ZFHX3: variants seen among roughly 807,000 people sequenced by gnomAD.
The protein encoded by ZFHX3 is zinc finger homeobox 3, also known as zinc finger homeobox protein 3.
In ZFHX3, 42 loss-of-function variants were observed where a neutral mutation model predicts 279.1. The observed-to-expected ratio is 0.15, with a 90% CI of 0.12 to 0.19. The LOEUF (loss-of-function observed/expected upper bound fraction) is 0.19. ZFHX3 is among the 10% of genes least tolerant of loss of function. The pLI is 1.00. For missense variants in ZFHX3, 4,981 were observed against 4,754.0 expected (o/e 1.05, Z -1.40); for synonymous variants, 2,293 against 1,957.8 (o/e 1.17, Z -4.52).
At chr16:73,754,672 A>G (rs1451813159) in intron 1 of ZFHX3, among the ~76,000 whole-genome samples, 1 of 152,208 alleles carries the variant, frequency 6.6e-6, no homozygotes, top group East Asian at 1.9e-4. Context: ...ACTTCCGACT[A>G]GCCTTGGATT....
intron 2 of ZFHX3, among the ~76,000 whole-genome samples, chr16:73,567,618 T>A (rs1343171005): frequency 6.6e-6 from 1 of 152,214 alleles, no homozygotes; most frequent in African/African-American, 2.4e-5. Flanking sequence ...ATACTCAACC[T>A]CCATGTGAAG....
At chr16:73,315,003 G>A (rs184375825) in intron 4 of ZFHX3, among the ~76,000 whole-genome samples, 4 of 152,266 alleles carry the variant, frequency 2.6e-5, no homozygotes, top group Admixed American at 2.6e-4. Flanking sequence ...TGAGGCAGGC[G>A]GATCACCTAA....
intron 3 of ZFHX3, among the ~76,000 whole-genome samples, chr16:73,363,960 A>G (rs1597302322): frequency 1.3e-5 from 2 of 152,026 alleles, no homozygotes; most frequent in African/African-American, 4.8e-5. Flanking sequence ...ATCACTTGAG[A>G]TCAGGAGTTT....
At chr16:72,955,615 C>T (rs990068070) in intron 2 of ZFHX3, among the ~76,000 whole-genome samples, 1 of 152,004 alleles carries the variant, frequency 6.6e-6, no homozygotes. Flanking sequence ...CCCATCTCTA[C>T]TAAAAACACA....
At chr16:73,586,599 G>T (rs2051929670) in intron 2 of ZFHX3, among the ~76,000 whole-genome samples, 1 of 151,976 alleles carries the variant, frequency 6.6e-6, no homozygotes, top group African/African-American at 2.4e-5. Context: ...AAAATAAAAT[G>T]TACTTCATGA....
At chr16:73,676,951 G>A (rs1030010613) in intron 2 of ZFHX3, among the ~76,000 whole-genome samples, 3 of 151,960 alleles carry the variant, frequency 2.0e-5, no homozygotes, top group Non-Finnish European at 2.9e-5. Context: ...CTCTCAGAAT[G>A]AGAATATCTC....
In ZFHX3 at chr16:72,788,289, G is replaced by A. The variant is rs765425613; in HGVS notation, c.9987C>T (p.Ser3329=). The A allele has an allele frequency of 2.0e-5, 33 of 1,614,060 alleles. No homozygotes were observed. The highest frequency in any genetic ancestry group is 1.6e-4 in the East Asian group (7 of 44,884). The change falls in exon 10 of 10, where the codon AGC becomes AGT. Residue 3329 remains serine (S), a synonymous_variant. Transcript: ENST00000268489. The part of the protein sequence containing the change: ...YAPQIPGALQ[S]GYLQPMYGME... The stretch of plus-strand genomic sequence containing the variant: ...TGCCATACATAGGCTGCAGGTACCC[G>A]CTCTGCAGGGCGCCAGGGATCTGGG...
chr16:73,883,622 A>C (rs2142415647), intron 1 of ZFHX3, among the ~76,000 whole-genome samples: 1 of 152,138 alleles, frequency 6.6e-6, no homozygotes, highest in African/African-American at 2.4e-5. Flanking sequence ...AGGCGCGGTA[A>C]AAATCACCTG....
intron 3 of ZFHX3, among the ~76,000 whole-genome samples, chr16:73,347,352 C>G (rs2143274442): frequency 6.6e-6 from 1 of 152,364 alleles, no homozygotes; most frequent in East Asian, 1.9e-4. Context: ...ACAGGTATTC[C>G]TGCAGCCCAC....
chr16:73,042,022 C>T (rs1965136439), intron 1 of ZFHX3, among the ~76,000 whole-genome samples: 1 of 152,176 alleles, frequency 6.6e-6, no homozygotes. Context: ...AGGGAGAAGT[C>T]ATCAGAAATA....
rs553614165 is a variant in ZFHX3, at chr16:73,277,877, G to C, written c.-1193-20741C>G. ...ATGGTGGAAGGCAAAGTGGGAGCAA[G>C]GTGTCTTACAAGGCAGGAGCAAGAG... On this transcript the variant is annotated intron_variant, in intron 4 of 17. Coordinates refer to the ZFHX3 transcript ENST00000641206. 3.9e-5 allele frequency among the ~76,000 whole-genome samples: 6 copies of C among 152,294 alleles called. 1 individual carries two copies. The South Asian group carries it at 1.0e-3, about 26-fold the overall frequency.
At chr16:73,273,125 C>A (rs1001403006) in intron 4 of ZFHX3, among the ~76,000 whole-genome samples, 1 of 152,056 alleles carries the variant, frequency 6.6e-6, no homozygotes, top group Non-Finnish European at 1.5e-5. Context: ...GTCTTTCAGC[C>A]CCTAACGAGG....
At chr16:73,161,895 GAGA>G (rs1019845474) in intron 5 of ZFHX3, among the ~76,000 whole-genome samples, 1 of 152,206 alleles carries the variant, frequency 6.6e-6, no homozygotes, top group African/African-American at 2.4e-5. Context: ...ACTTTCAACT[GAGA>G]AGAAGAGGGG....
At chr16:73,202,088 T>C (rs2011627450) in intron 5 of ZFHX3, among the ~76,000 whole-genome samples, 1 of 152,186 alleles carries the variant, frequency 6.6e-6, no homozygotes, top group Non-Finnish European at 1.5e-5. Context: ...AAAAAAGGCA[T>C]TTAAATGTAA....
intron 1 of ZFHX3, among the ~76,000 whole-genome samples, chr16:73,866,980 G>T (rs1011590804): frequency 1.3e-5 from 2 of 152,088 alleles, no homozygotes; most frequent in Non-Finnish European, 2.9e-5. Context: ...GCCCCTGAGG[G>T]CATTCAATTT....
intron 5 of ZFHX3, among the ~76,000 whole-genome samples, chr16:73,173,527 C>T (rs999058785): frequency 1.3e-5 from 2 of 152,088 alleles, no homozygotes; most frequent in Non-Finnish European, 2.9e-5. Context: ...TCCCTTTCCT[C>T]CACCTCATTC....
At chr16:73,534,243 T>G (rs936167811) in intron 2 of ZFHX3, among the ~76,000 whole-genome samples, 5 of 152,214 alleles carry the variant, frequency 3.3e-5, no homozygotes, top group African/African-American at 1.2e-4. Context: ...TTAGGGCCTT[T>G]GTACTTGCAG....
intron 5 of ZFHX3, among the ~76,000 whole-genome samples, chr16:73,168,156 C>G (rs925933164): frequency 1.3e-5 from 2 of 152,114 alleles, no homozygotes; most frequent in African/African-American, 4.8e-5. Flanking sequence ...CAAAAGACTT[C>G]TCTATTATCA....
At chr16:73,227,204 A>C (rs555433665) in intron 5 of ZFHX3, among the ~76,000 whole-genome samples, 1 of 152,346 alleles carries the variant, frequency 6.6e-6, no homozygotes, top group South Asian at 2.1e-4. Context: ...AAGTAAAGAG[A>C]GAAAAGGAGA....
Sources: gnomAD v4.1 joint callset for allele counts (sites outside exome capture counted in the v4.1 genomes callset) on GRCh38, gnomAD v4.1.1 for gene constraint, MANE v1.5 for transcripts, NCBI Gene and HGNC (gene_info 2026-07-23, HGNC 2026-07-21) for gene names.